The following PI4KB variants were observed in gnomAD, a reference collection of about 807,000 sequenced individuals.
PI4KB encodes the protein PtdIns 4-kinase beta.
Under a neutral mutation model 81.4 loss-of-function variants are expected in PI4KB, and 23 were observed. The ratio of observed to expected loss-of-function variants is 0.28; its 90% confidence interval spans 0.20 to 0.40. The LOEUF is 0.40. PI4KB is among the 10% of genes least tolerant of loss of function. The pLI, the probability that PI4KB is intolerant of heterozygous loss-of-function variation, is 1.00. For missense variants in PI4KB, 651 were observed against 1,036.6 expected (o/e 0.63, Z 5.11); for synonymous variants, 381 against 406.8 (o/e 0.94, Z 0.76).
rs765196916 is a variant in PI4KB at position 151,294,037 on chromosome 1, G to C, written c.2250C>G (p.Ile750Met). The C allele has an allele frequency of 2.4e-5, 39 of 1,614,034 alleles. No individual in the cohort carries two copies. Among genetic ancestry groups the C allele is most frequent in the Non-Finnish European group, 3.1e-5 (37 of 1,179,966 alleles). ...CCCCACCTTGCTGCATGATCTCCACGATCTGCACCACCTTGTCCATGTGTT... is the reference window on the plus strand; with the variant it reads ...CCCCACCTTGCTGCATGATCTCCACCATCTGCACCACCTTGTCCATGTGTT... ...ARKHMDKVVQ[I>M]VEIMQQGSQL... The change falls in exon 11 of 12, where the codon ATC (isoleucine) becomes ATG (methionine). Residue 750 changes from isoleucine (I) to methionine (M), a missense_variant. Physicochemically the swap from Ile to Met is conservative, Grantham distance 10. This residue lies in a region of PI4KB where 70 missense variants were observed against 108.1 expected (regional missense o/e 0.65). Coordinates refer to ENST00000368873, the MANE Select transcript of PI4KB (RefSeq NM_001369623.2).
chr1:151,318,415 CAAA>C (rs1372876914), intron 1 of PI4KB, among the ~76,000 whole-genome samples: 4 of 50,352 alleles, frequency 7.9e-5, no homozygotes, highest in Non-Finnish European at 1.2e-4. Flanking sequence ...GACTCTGTCT[CAAA>C]AAAAAAAAAA....
chr1:151,318,581 G>A (rs199525478), intron 1 of PI4KB, among the ~76,000 whole-genome samples: 23 of 149,886 alleles, frequency 1.5e-4, no homozygotes, highest in Non-Finnish European at 3.3e-4. Context: ...GCGTGGTGGC[G>A]CATGCCTGTA....
chr1:151,301,632 C>T lies in PI4KB; in HGVS notation c.1749+212G>A, dbSNP rs587599223. ...CAGGATGGTCTCGATCTCCTGACCT[C>T]GTGATCCACCCGCCTCGGCCTCCCA... On this transcript the variant is annotated intron_variant, in intron 8 of 11. Coordinates refer to ENST00000368873, the MANE Select transcript of PI4KB (RefSeq NM_001369623.2). 2.9e-4 allele frequency among the ~76,000 whole-genome samples: 44 copies of T among 152,090 alleles called. 1 individual carries two copies. In the South Asian group the frequency reaches 7.7e-3, roughly 27 times the overall value.
At chr1:151,293,561 G>T in intron 11 of PI4KB, 1 of 413,516 alleles carries the variant, frequency 2.4e-6, no homozygotes, top group Non-Finnish European at 4.2e-6. Flanking sequence ...ACAGAAGGGG[G>T]TCCTGGGCAA....
In PI4KB at chr1:151,306,318, C is replaced by A; in HGVS notation, c.1228G>T (p.Asp410Tyr). Residue 410 changes from aspartate to tyrosine, a missense_variant, in exon 5 of 12, where the codon GAC (aspartate) becomes TAC (tyrosine). By Grantham distance (160) the Asp-to-Tyr change is radical. Around this residue, in one of 5 missense-constraint regions of PI4KB, gnomAD observed 246 missense variants for 430.1 expected, o/e 0.57. Transcript: ENST00000368873. ...YVEVLECENF[D>Y]TTSVPARIPE... ...ATCCGGGCAGGGACACTGGTGGTGTCAAAGTTTTCACATTCAAGGACTTCC... is the reference window on the plus strand; with the variant it reads ...ATCCGGGCAGGGACACTGGTGGTGTAAAAGTTTTCACATTCAAGGACTTCC... 1 of 1,614,188 alleles carries A rather than the reference C, an allele frequency of 6.2e-7. No individual in the cohort carries two copies. The highest frequency in any genetic ancestry group is 8.5e-7 in the Non-Finnish European group (1 of 1,180,028).
At position 151,316,262 on chromosome 1, in the gene PI4KB, G is replaced by A; in HGVS notation, c.220C>T (p.Pro74Ser). 4 of 1,614,138 alleles carry A rather than the reference G, an allele frequency of 2.5e-6. No homozygotes were observed. Among genetic ancestry groups the A allele is most frequent in the Non-Finnish European group, 3.4e-6 (4 of 1,180,018 alleles). Residue 74 changes from proline to serine, a missense_variant, in exon 2 of 12, where the codon CCA becomes TCA. Around this residue, in one of 5 missense-constraint regions of PI4KB, gnomAD observed 314 missense variants for 397.8 expected, o/e 0.79. Transcript: ENST00000368873. ...CCATCCCCATTGACCAACTCCAGTG[G>A]GGTGCCTCTGCTAGAGACTGCCACG... The part of the protein sequence containing the change: ...GGVAVSSRGT[P>S]LELVNGDGVD...
chr1:151,327,568 C>T (rs913264056), upstream of PI4KB: 5 of 391,364 alleles, frequency 1.3e-5, no homozygotes, highest in Non-Finnish European at 2.3e-5. Context: ...ATGTAGTATT[C>T]TTCTCCGGAG....
At chr1:151,318,966 A>G (rs371832597) in intron 1 of PI4KB, among the ~76,000 whole-genome samples, 3 of 152,158 alleles carry the variant, frequency 2.0e-5, no homozygotes, top group Non-Finnish European at 4.4e-5. Context: ...GGCTGCTAAC[A>G]TATAATGGAA....
chr1:151,324,687 G>A lies in PI4KB; in HGVS notation c.-29+2584C>T, dbSNP rs80030865. On this transcript the variant is annotated intron_variant, in intron 1 of 11. Transcript: ENST00000368873. The stretch of plus-strand genomic sequence containing the variant: ...AGCAGATTCCAGCCAGACAGCCCAA[G>A]CCAGCTATGGGAGCCGCTACTGAAA... 2.8e-3 allele frequency: 2,381 copies of A among 862,838 alleles called. 42 individuals carry two copies. In the African/African-American group the frequency reaches 0.037, roughly 13 times the overall value. The allele number at this position is 862,838 out of a possible 1,614,324, so 53.4% of individuals were successfully genotyped here. A position where few individuals can be genotyped will look rare whatever the true frequency, so the allele number is the denominator to read the frequency against.
At chr1:151,304,145 T>C (rs752976140) in intron 5 of PI4KB, among the ~76,000 whole-genome samples, 46 of 152,156 alleles carry the variant, frequency 3.0e-4, no homozygotes, top group Non-Finnish European at 5.4e-4. Context: ...CAGAATATTC[T>C]ACCAGACCCC....
At chr1:151,304,608 G>A (rs1431284503) in intron 5 of PI4KB, among the ~76,000 whole-genome samples, 1 of 151,160 alleles carries the variant, frequency 6.6e-6, no homozygotes, top group African/African-American at 2.4e-5. Flanking sequence ...GCCTCCCGAA[G>A]TGCTGGGATT....
chr1:151,308,837 C>T (rs1695991816), intron 3 of PI4KB, among the ~76,000 whole-genome samples: 1 of 152,184 alleles, frequency 6.6e-6, no homozygotes, highest in Non-Finnish European at 1.5e-5. Context: ...ACTCACCAAG[C>T]CTTTCTCTCC....
chr1:151,323,225 C>T (rs1272177033), intron 1 of PI4KB, among the ~76,000 whole-genome samples: 1 of 152,232 alleles, frequency 6.6e-6, no homozygotes, highest in Non-Finnish European at 1.5e-5. Flanking sequence ...GAACAAATGG[C>T]CAGGTGCAGT....
In PI4KB at chr1:151,292,086, C is replaced by T. The variant is rs1032747122; in HGVS notation, c.*766G>A. ...GAGGCATCCGTTCATACCTCATCAC[C>T]CATCTCCCCCTGCACTCCCCCAGAA... On this transcript the variant is annotated 3_prime_UTR_variant, in exon 12 of 12. Coordinates refer to ENST00000368873, the MANE Select transcript of PI4KB (RefSeq NM_001369623.2). 3 of 152,216 alleles carry T rather than the reference C, an allele frequency of 2.0e-5. No individual in the cohort carries two copies. Among genetic ancestry groups the T allele is most frequent in the Admixed American group, 6.5e-5 (1 of 15,274 alleles). The allele number at this position is 152,216 out of a possible 1,614,324, so 9.4% of individuals were successfully genotyped here.
At chr1:151,302,104 G>A in intron 7 of PI4KB, 90 bp downstream of exon 7, 2 of 1,539,432 alleles carry the variant, frequency 1.3e-6, no homozygotes, top group South Asian at 2.3e-5. Context: ...AGATTTTTTT[G>A]GAGGCTGATG....
Position 151,315,975 on chromosome 1 carries a change from G to C in PI4KB, c.507C>G (p.Asn169Lys). ...GGGGCAGATAGAAGTCCACGTCCTC[G>C]TTGCGAAAGCAGAAGAGCCGGTTGC... ...YIGNRLFCFR[N>K]EDVDFYLPQL... Residue 169 changes from asparagine (N) to lysine (K), a missense_variant, in exon 2 of 12, where the codon AAC (asparagine) becomes AAG (lysine). Asn to Lys is a moderately conservative substitution (Grantham distance 94). Coordinates refer to ENST00000368873, the MANE Select transcript of PI4KB (RefSeq NM_001369623.2). 1 of 1,613,038 alleles carries C rather than the reference G, an allele frequency of 6.2e-7. No homozygotes were observed.
rs1412642099 is a variant in PI4KB, at chr1:151,304,801, G to T, written c.1411-1151C>A. 2.6e-5 allele frequency among the ~76,000 whole-genome samples: 4 copies of T among 151,486 alleles called. No individual in the cohort carries two copies. The East Asian group carries it at 7.8e-4, about 29-fold the overall frequency. On this transcript the variant is annotated intron_variant, in intron 5 of 11. Coordinates refer to ENST00000368873, the MANE Select transcript of PI4KB (RefSeq NM_001369623.2). ...AATCACTTGCCTCCCGAGTAGCTGGGATTACAGGCATGTTCCACCACACCT... is the reference window on the plus strand; with the variant it reads ...AATCACTTGCCTCCCGAGTAGCTGGTATTACAGGCATGTTCCACCACACCT...
At chr1:151,310,574 G>A (rs764150003) in intron 2 of PI4KB, among the ~76,000 whole-genome samples, 18 of 152,036 alleles carry the variant, frequency 1.2e-4, no homozygotes, top group Non-Finnish European at 1.9e-4. Flanking sequence ...CTAAAGCTGG[G>A]TCCCTAGGGC....
intron 2 of PI4KB, among the ~76,000 whole-genome samples, chr1:151,310,938 T>G (rs967752132): frequency 6.6e-6 from 1 of 152,162 alleles, no homozygotes; most frequent in Non-Finnish European, 1.5e-5. Flanking sequence ...CAAACCTCCT[T>G]AGGCTTCCTA....
Sources: allele counts gnomAD v4.1 joint callset (sites outside exome capture counted in the v4.1 genomes callset), GRCh38; gene constraint gnomAD v4.1.1; regional missense constraint gnomAD v4.1.1; transcripts MANE v1.5; gene names NCBI Gene and HGNC (gene_info 2026-07-23, HGNC 2026-07-21).